The following PCDH15 variants were observed in gnomAD, a reference collection of about 807,000 sequenced individuals.
PCDH15 encodes the protein protocadherin related 15, also known as protocadherin-15.
Under a neutral mutation model 178.5 loss-of-function variants are expected in PCDH15, and 129 were observed. That is an observed-to-expected ratio of 0.72 (90% CI 0.63 to 0.84). The LOEUF is 0.84. Ranked by LOEUF, PCDH15 falls within the 40% of genes least tolerant of loss-of-function variation. The probability of loss-of-function intolerance (pLI) is 0.00; values close to 1 mark genes in which losing one functional copy is unlikely to be tolerated. For synonymous variants in PCDH15, 800 were observed against 732.0 expected (o/e 1.09, Z -1.50); for missense variants, 2,230 against 2,099.9 (o/e 1.06, Z -1.21).
At chr10:54,397,923 G>T (rs1433276740) in intron 3 of PCDH15, among the ~76,000 whole-genome samples, 1 of 151,758 alleles carries the variant, frequency 6.6e-6, no homozygotes, top group African/African-American at 2.4e-5. Flanking sequence ...CAGGTTTCAT[G>T]GTGACCTGTT....
At chr10:54,821,447 T>A (rs1953038029) in intron 3 of PCDH15, among the ~76,000 whole-genome samples, 1 of 151,948 alleles carries the variant, frequency 6.6e-6, no homozygotes, top group African/African-American at 2.4e-5. Context: ...AAATTAGAAG[T>A]AAAAGTGAAT....
chr10:55,109,716 T>C (rs1397169443), intron 2 of PCDH15, among the ~76,000 whole-genome samples: 1 of 152,072 alleles, frequency 6.6e-6, no homozygotes, highest in Non-Finnish European at 1.5e-5. Context: ...ACAAGTATGT[T>C]GAAGTTACTC....
chr10:54,444,707 C>G (rs1202394447), intron 3 of PCDH15, among the ~76,000 whole-genome samples: 3 of 151,538 alleles, frequency 2.0e-5, no homozygotes, highest in Non-Finnish European at 4.4e-5. Context: ...CCTGAAACAT[C>G]TATTAATATT....
intron 37 of PCDH15, among the ~76,000 whole-genome samples, chr10:53,807,690 T>G (rs1841288242): frequency 6.6e-6 from 1 of 152,164 alleles, no homozygotes; most frequent in African/African-American, 2.4e-5. Flanking sequence ...GATGTATAAT[T>G]TAATGCATTT....
chr10:54,778,065 GA>G (rs1356325447), intron 1 of PCDH15, among the ~76,000 whole-genome samples: 1 of 152,220 alleles, frequency 6.6e-6, no homozygotes, highest in Non-Finnish European at 1.5e-5. Context: ...AAACAAGGAA[GA>G]ATTCACGAGA....
At chr10:54,193,789 T>C (rs987716181) in intron 11 of PCDH15, among the ~76,000 whole-genome samples, 4 of 152,142 alleles carry the variant, frequency 2.6e-5, no homozygotes, top group African/African-American at 7.2e-5. Flanking sequence ...TATAGAGTGC[T>C]TAAAATTGAG....
chr10:54,916,868 T>A (rs1340198875), intron 2 of PCDH15, among the ~76,000 whole-genome samples: 1 of 152,100 alleles, frequency 6.6e-6, no homozygotes, highest in Non-Finnish European at 1.5e-5. Flanking sequence ...TTTTTGGGAT[T>A]TTTTGCAAGT....
At chr10:54,774,052 G>A (rs1374064332) in intron 1 of PCDH15, among the ~76,000 whole-genome samples, 35 of 89,626 alleles carry the variant, frequency 3.9e-4, no homozygotes, top group African/African-American at 1.3e-3. Flanking sequence ...TTTTTGAGAC[G>A]GAGTCTCGCT....
intron 1 of PCDH15, among the ~76,000 whole-genome samples, chr10:54,741,364 A>G (rs1944786927): frequency 6.6e-6 from 1 of 151,912 alleles, no homozygotes. Context: ...TATTCCTCTC[A>G]ATGCCATGAA....
chr10:54,367,666 G>C (rs910248204), intron 5 of PCDH15, among the ~76,000 whole-genome samples: 2 of 151,830 alleles, frequency 1.3e-5, no homozygotes, highest in Admixed American at 6.6e-5. Context: ...GGGGAGTGAG[G>C]GGGTAGGAGA....
chr10:54,187,535 A>T (rs16905674), intron 11 of PCDH15, among the ~76,000 whole-genome samples: 11,376 of 151,844 alleles, frequency 0.075, 489 homozygotes, highest in Admixed American at 0.11. Context: ...CCATAAATAG[A>T]CTTCCTTATA....
chr10:54,677,423 G>A (rs1025460053), intron 1 of PCDH15, among the ~76,000 whole-genome samples: 1 of 152,044 alleles, frequency 6.6e-6, no homozygotes, highest in Non-Finnish European at 1.5e-5. Flanking sequence ...GTAAATGGGG[G>A]TGTATGAAGT....
chr10:53,893,213 G>T (rs2081703336), intron 26 of PCDH15, among the ~76,000 whole-genome samples: 1 of 152,078 alleles, frequency 6.6e-6, no homozygotes, highest in African/African-American at 2.4e-5. Flanking sequence ...GATGTCACCA[G>T]TGAGGCTAAA....
intron 20 of PCDH15, among the ~76,000 whole-genome samples, chr10:54,004,643 A>C (rs1237254856): frequency 6.6e-6 from 1 of 152,130 alleles, no homozygotes; most frequent in Non-Finnish European, 1.5e-5. Flanking sequence ...ACATGGATTC[A>C]AGAAAATGAA....
At chr10:54,330,076 A>C in intron 6 of PCDH15, among the ~76,000 whole-genome samples, 1 of 151,896 alleles carries the variant, frequency 6.6e-6, no homozygotes. Context: ...GCATTCAAAC[A>C]CTGAAATCTG....
chr10:54,781,717 T>C (rs1451609170), intron 1 of PCDH15, among the ~76,000 whole-genome samples: 1 of 152,214 alleles, frequency 6.6e-6, no homozygotes, highest in Non-Finnish European at 1.5e-5. Context: ...TCTATCTTTT[T>C]TCTTTTCCCT....
intron 8 of PCDH15, among the ~76,000 whole-genome samples, chr10:54,278,853 T>G (rs2058502732): frequency 6.6e-6 from 1 of 151,616 alleles, no homozygotes; most frequent in Non-Finnish European, 1.5e-5. Context: ...CCCCAAGATC[T>G]CTTTTGTACT....
chr10:54,111,543 T>C (rs2095023733), intron 15 of PCDH15, among the ~76,000 whole-genome samples: 1 of 152,164 alleles, frequency 6.6e-6, no homozygotes, highest in Admixed American at 6.5e-5. Context: ...CTTTCTACTA[T>C]AGTCATAAAC....
intron 2 of PCDH15, among the ~76,000 whole-genome samples, chr10:54,965,762 T>C (rs1310582410): frequency 6.6e-6 from 1 of 150,974 alleles, no homozygotes; most frequent in Non-Finnish European, 1.5e-5. Flanking sequence ...AAACAACCTT[T>C]TCTGTGAATC....
Sources: gnomAD v4.1 joint callset for allele counts (sites outside exome capture counted in the v4.1 genomes callset) on GRCh38, gnomAD v4.1.1 for gene constraint, MANE v1.5 for transcripts, NCBI Gene and HGNC (gene_info 2026-07-23, HGNC 2026-07-21) for gene names.